FRMD4A: variants seen among roughly 807,000 people sequenced by gnomAD.
FRMD4A encodes FERM domain-containing protein 4A.
Under a neutral mutation model 129.1 loss-of-function variants are expected in FRMD4A, and 29 were observed. The observed-to-expected ratio is 0.22, with a 90% CI of 0.17 to 0.31. The LOEUF is 0.31. Ranked by LOEUF, FRMD4A falls within the 10% of genes least tolerant of loss-of-function variation. The pLI is 1.00. For missense variants in FRMD4A, 1,272 were observed against 1,375.8 expected (o/e 0.92, Z 1.19); for synonymous variants, 634 against 571.6 (o/e 1.11, Z -1.56).
chr10:13,656,723 C>T lies in FRMD4A; in HGVS notation c.2866G>A (p.Gly956Ser), dbSNP rs1391619283. The change falls in exon 22 of 25, where the codon GGC becomes AGC. Residue 956 changes from glycine (G) to serine (S), a missense_variant. This residue lies in a region of FRMD4A where 972 missense variants were observed against 892.3 expected (regional missense o/e 1.09). Transcript: ENST00000357447. Reference sequence around the variant, plus strand: ...TGGGAGGAGGTGCTGTACTGCGAGCCGCTGTCCGAGGAGGTGGAGCTGGTG... The same window carrying T: ...TGGGAGGAGGTGCTGTACTGCGAGCTGCTGTCCGAGGAGGTGGAGCTGGTG... ...SHTSSTSSDS[G>S]SQYSTSSQST... 2 of 1,589,582 alleles carry T rather than the reference C, an allele frequency of 1.3e-6. No homozygotes were observed. The highest frequency in any genetic ancestry group is 8.6e-7 in the Non-Finnish European group (1 of 1,169,288).
chr10:14,228,216 G>A (rs916641421), intron 2 of FRMD4A, among the ~76,000 whole-genome samples: 1 of 152,128 alleles, frequency 6.6e-6, no homozygotes, highest in Non-Finnish European at 1.5e-5. Flanking sequence ...GTTGATAGTT[G>A]GAAGACTTCT....
At chr10:13,868,879 T>C (rs899205373) in intron 2 of FRMD4A, among the ~76,000 whole-genome samples, 3 of 152,148 alleles carry the variant, frequency 2.0e-5, no homozygotes, top group African/African-American at 4.8e-5. Context: ...ATACACCAGA[T>C]GGAAGTTATT....
At chr10:13,673,579 T>C (rs930534501) in intron 16 of FRMD4A, among the ~76,000 whole-genome samples, 2 of 147,576 alleles carry the variant, frequency 1.4e-5, no homozygotes, top group Non-Finnish European at 3.0e-5. Flanking sequence ...TGTGCATGCG[T>C]GCGCGCGCGC....
At chr10:13,718,354 C>T (rs1396210835) in intron 12 of FRMD4A, among the ~76,000 whole-genome samples, 1 of 152,250 alleles carries the variant, frequency 6.6e-6, no homozygotes, top group Non-Finnish European at 1.5e-5. Flanking sequence ...TGGCGGCAGC[C>T]AGCAGAGATA....
At chr10:14,064,129 C>A (rs1013162332) in intron 2 of FRMD4A, among the ~76,000 whole-genome samples, 4 of 152,180 alleles carry the variant, frequency 2.6e-5, no homozygotes, top group Non-Finnish European at 5.9e-5. Flanking sequence ...TTAATTCCTC[C>A]CCAGCTGGGT....
chr10:14,182,181 T>TA (rs1444086402), intron 2 of FRMD4A, among the ~76,000 whole-genome samples: 2 of 152,266 alleles, frequency 1.3e-5, no homozygotes, highest in African/African-American at 4.8e-5. Context: ...TAGTGATCAA[T>TA]GGAGATGGGA....
intron 2 of FRMD4A, among the ~76,000 whole-genome samples, chr10:13,885,899 C>G (rs1193937475): frequency 1.3e-5 from 2 of 152,024 alleles, no homozygotes; most frequent in East Asian, 3.9e-4. Context: ...CATCACCCTC[C>G]CATCTCTCCT....
In FRMD4A at chr10:13,938,997, C is replaced by A. The variant is rs187360955; in HGVS notation, c.46-80085G>T. Among the ~76,000 whole-genome samples the A allele has an allele frequency of 2.6e-3, 393 of 152,304 alleles. 4 individuals carry two copies. The highest frequency in any genetic ancestry group is 4.3e-3 in the Non-Finnish European group (294 of 68,000). Reference sequence around the variant, plus strand: ...GAGGCCAGGGATGCTGTTAAACGTCCTAGAATTCCCAGAATAGCACCATCC... The same window carrying A: ...GAGGCCAGGGATGCTGTTAAACGTCATAGAATTCCCAGAATAGCACCATCC... On this transcript the variant is annotated intron_variant, in intron 2 of 24. Transcript: ENST00000357447.
intron 2 of FRMD4A, among the ~76,000 whole-genome samples, chr10:14,221,729 T>A (rs960481677): frequency 2.0e-5 from 3 of 151,872 alleles, no homozygotes; most frequent in African/African-American, 7.3e-5. Context: ...CGGGTAATTT[T>A]TTTTTTTTAG....
chr10:14,252,225 AGT>A (rs879750088), intron 2 of FRMD4A, among the ~76,000 whole-genome samples: 11 of 152,270 alleles, frequency 7.2e-5, no homozygotes, highest in Non-Finnish European at 1.0e-4. Context: ...TAAATACTCC[AGT>A]GTGTCTTTCC....
chr10:14,004,101 G>A (rs11258791), intron 2 of FRMD4A, among the ~76,000 whole-genome samples: 38 of 152,288 alleles, frequency 2.5e-4, no homozygotes, highest in East Asian at 1.3e-3. Context: ...TGTTTTCCAC[G>A]TGTCTTACAT....
chr10:13,899,664 A>G (rs750962826), intron 2 of FRMD4A, among the ~76,000 whole-genome samples: 2 of 152,192 alleles, frequency 1.3e-5, no homozygotes, highest in Non-Finnish European at 2.9e-5. Context: ...CCCTGTCTCT[A>G]TGACAAAAAA....
At chr10:14,257,661 G>A (rs1844663737) in intron 2 of FRMD4A, among the ~76,000 whole-genome samples, 1 of 152,184 alleles carries the variant, frequency 6.6e-6, no homozygotes. Context: ...CAAGAAAACA[G>A]AGACACGGAA....
At chr10:13,962,140 G>C (rs2131361891) in intron 2 of FRMD4A, among the ~76,000 whole-genome samples, 1 of 152,298 alleles carries the variant, frequency 6.6e-6, no homozygotes. Context: ...GCTGCTACTA[G>C]CCATCTTCTT....
chr10:14,255,728 C>T (rs1844587535), intron 2 of FRMD4A, among the ~76,000 whole-genome samples: 1 of 152,074 alleles, frequency 6.6e-6, no homozygotes, highest in Admixed American at 6.5e-5. Context: ...GGTTGCCAGG[C>T]TGGGCGGTGG....
At chr10:13,762,578 C>T (rs564910620) in intron 7 of FRMD4A, 46 bp downstream of exon 7, 3 of 1,078,540 alleles carry the variant, frequency 2.8e-6, no homozygotes, top group Admixed American at 3.5e-5. Context: ...TTCCTTTCTT[C>T]TGTGTATGGC....
intron 2 of FRMD4A, among the ~76,000 whole-genome samples, chr10:14,180,254 C>G (rs574162857): frequency 6.6e-6 from 1 of 152,158 alleles, no homozygotes; most frequent in Non-Finnish European, 1.5e-5. Context: ...ATTATTATTC[C>G]CATTTAACAT....
At chr10:13,723,282 T>C (rs1459628205) in intron 12 of FRMD4A, among the ~76,000 whole-genome samples, 1 of 152,242 alleles carries the variant, frequency 6.6e-6, no homozygotes, top group Non-Finnish European at 1.5e-5. Flanking sequence ...TTGTTTGATA[T>C]CATGGAATAA....
chr10:13,968,340 C>T (rs924912071), intron 2 of FRMD4A, among the ~76,000 whole-genome samples: 1 of 152,250 alleles, frequency 6.6e-6, no homozygotes, highest in African/African-American at 2.4e-5. Context: ...AATAAATACA[C>T]TCAAGATGAG....
Sources: gnomAD v4.1 joint callset for allele counts (sites outside exome capture counted in the v4.1 genomes callset) on GRCh38, gnomAD v4.1.1 for gene constraint, gnomAD v4.1.1 regional missense constraint, MANE v1.5 for transcripts, NCBI Gene and HGNC (gene_info 2026-07-23, HGNC 2026-07-21) for gene names.